SPACA7: variants seen among roughly 807,000 people sequenced by gnomAD.
SPACA7 encodes sperm acrosome-associated protein 7.
Under a neutral mutation model 26.3 loss-of-function variants are expected in SPACA7, and 19 were observed. The observed-to-expected ratio is 0.72, with a 90% CI of 0.50 to 1.06. SPACA7 has a LOEUF of 1.06. Among genes scored for constraint, SPACA7 ranks in the 50% least tolerant of loss-of-function variants. SPACA7 has a pLI of 0.00. For missense variants in SPACA7, 211 were observed against 229.9 expected (o/e 0.92, Z 0.53); for synonymous variants, 84 against 84.5 (o/e 0.99, Z 0.04).
intron 5 of SPACA7, among the ~76,000 whole-genome samples, chr13:112,406,031 C>T (rs548021133): frequency 6.6e-6 from 1 of 152,102 alleles, no homozygotes; most frequent in South Asian, 2.1e-4. Context: ...TTTTAGTTTA[C>T]CATTTAAACT....
chr13:112,376,472 G>A lies in SPACA7; in HGVS notation c.87G>A (p.Val29=). The A allele has an allele frequency of 6.2e-7, 1 of 1,612,924 alleles. No homozygotes were observed. The highest frequency in any genetic ancestry group is 8.5e-7 in the Non-Finnish European group (1 of 1,179,504). The part of the protein sequence containing the change: ...WQETELRPRT[V]IPGSPTEIPF... The stretch of plus-strand genomic sequence containing the variant: ...AAACTGAGCTCCGGCCGAGAACCGT[G>A]ATTCCAGGTAGGGCCCCACAGGGAT... Residue 29 remains valine (V), a synonymous_variant, in exon 1 of 7, where the codon GTG becomes GTA. Coordinates refer to ENST00000283550, the MANE Select transcript of SPACA7 (RefSeq NM_145248.5).
Position 112,432,463 on chromosome 13 carries a change from T to G in SPACA7, c.465T>G (p.Thr155=). ...CCACAGAAAAGAATTCAAAGAACAC[T>G]CAGTATGAAAATCTATCCATTCTGG... The part of the protein sequence containing the change: ...VSSKEKNSKN[T]QYENLSILDQ... The change falls in exon 6 of 7, where the codon ACT becomes ACG. Residue 155 remains threonine (T), a synonymous_variant. Transcript: ENST00000283550. 6.2e-7 allele frequency: 1 copy of G among 1,610,522 alleles called. No homozygotes were observed. The highest frequency in any genetic ancestry group is 8.5e-7 in the Non-Finnish European group (1 of 1,176,714).
chr13:112,377,085 G>A lies in SPACA7; in HGVS notation c.94+606G>A, dbSNP rs573312063. ...GAGAGTGGGCTCAACTCCAAATACA[G>A]GGAAAGTGGAGATTTGCAGCCAAGG... On this transcript the variant is annotated intron_variant, in intron 1 of 6. Coordinates refer to ENST00000283550, the MANE Select transcript of SPACA7 (RefSeq NM_145248.5). Among the ~76,000 whole-genome samples the A allele has an allele frequency of 2.6e-4, 40 of 152,278 alleles. No homozygotes were observed. The South Asian group carries it at 8.3e-3, about 32-fold the overall frequency.
intron 6 of SPACA7, among the ~76,000 whole-genome samples, chr13:112,433,211 G>C: frequency 6.8e-6 from 1 of 146,274 alleles, no homozygotes; most frequent in Non-Finnish European, 1.5e-5. Flanking sequence ...CCTCCATCTG[G>C]AGCGCGTCAC....
chr13:112,387,249 G>C (rs1292244363), intron 1 of SPACA7, among the ~76,000 whole-genome samples: 1 of 152,196 alleles, frequency 6.6e-6, no homozygotes, highest in Non-Finnish European at 1.5e-5. Flanking sequence ...GTGAAACCAA[G>C]GGAAAGTAAC....
At chr13:112,433,815 G>T (rs1877440819) in intron 6 of SPACA7, among the ~76,000 whole-genome samples, 1 of 152,164 alleles carries the variant, frequency 6.6e-6, no homozygotes, top group Admixed American at 6.5e-5. Flanking sequence ...GTGTAGAAAG[G>T]GCAGTGAGCG....
chr13:112,425,417 G>T (rs1028461832), intron 5 of SPACA7, among the ~76,000 whole-genome samples: 1 of 152,232 alleles, frequency 6.6e-6, no homozygotes, highest in African/African-American at 2.4e-5. Context: ...AAATGGGATG[G>T]CTTCCCCTCA....
intron 6 of SPACA7, among the ~76,000 whole-genome samples, chr13:112,433,061 C>G (rs563958420): frequency 5.9e-5 from 9 of 152,236 alleles, no homozygotes; most frequent in African/African-American, 1.7e-4. Context: ...TAGGAGCTTT[C>G]CAGAACACCT....
At chr13:112,419,128 A>G (rs57379387) in intron 5 of SPACA7, among the ~76,000 whole-genome samples, 39,343 of 152,040 alleles carry the variant, frequency 0.26, 5,482 homozygotes, top group South Asian at 0.38. Context: ...ACATTCCAGT[A>G]GCAGGGTAAA....
At chr13:112,423,721 A>G (rs890999651) in intron 5 of SPACA7, among the ~76,000 whole-genome samples, 2 of 152,194 alleles carry the variant, frequency 1.3e-5, no homozygotes, top group South Asian at 4.2e-4. Flanking sequence ...AGTATGTTCT[A>G]AAGGAAGAGA....
intron 4 of SPACA7, among the ~76,000 whole-genome samples, chr13:112,400,211 C>T (rs932857634): frequency 1.3e-5 from 2 of 152,190 alleles, no homozygotes; most frequent in African/African-American, 4.8e-5. Flanking sequence ...CAGGAATCTG[C>T]ATCCCAATCC....
In SPACA7 at chr13:112,432,438, C is replaced by T. The variant is rs1428428843; in HGVS notation, c.446-6C>T. The T allele has an allele frequency of 1.3e-6, 2 of 1,599,684 alleles. No individual in the cohort carries two copies. Among genetic ancestry groups the T allele is most frequent in the Non-Finnish European group, 1.7e-6 (2 of 1,167,096 alleles). On this transcript the variant is annotated splice_polypyrimidine_tract_variant and splice_region_variant and intron_variant, in intron 5 of 6. Transcript: ENST00000283550. ...GTGATCATTGTACTTATTGTTTTCC[C>T]CACAGAAAAGAATTCAAAGAACACT...
At chr13:112,419,559 G>C (rs1225347907) in intron 5 of SPACA7, among the ~76,000 whole-genome samples, 4 of 152,194 alleles carry the variant, frequency 2.6e-5, no homozygotes. Context: ...GACTTCTGGG[G>C]ATAGGAGTAA....
rs7327515 is a variant in SPACA7, at chr13:112,388,378, G to C, written c.95-4643G>C. 8.1e-3 allele frequency among the ~76,000 whole-genome samples: 1,227 copies of C among 152,210 alleles called. 19 individuals carry two copies. The highest frequency in any genetic ancestry group is 0.028 in the African/African-American group (1,157 of 41,510). Reference sequence around the variant, plus strand: ...CTACAGACAGATACCCTACCATGGGGCTACAGACAGACACTCTGATAGGGC... The same window carrying C: ...CTACAGACAGATACCCTACCATGGGCCTACAGACAGACACTCTGATAGGGC... On this transcript the variant is annotated intron_variant, in intron 1 of 6. Transcript: ENST00000283550.
At chr13:112,394,713 T>C (rs1885122276) in intron 2 of SPACA7, among the ~76,000 whole-genome samples, 1 of 152,228 alleles carries the variant, frequency 6.6e-6, no homozygotes, top group Non-Finnish European at 1.5e-5. Context: ...TGGCTGTGAC[T>C]GGACTCACTT....
intron 5 of SPACA7, among the ~76,000 whole-genome samples, chr13:112,430,995 G>T (rs1414952200): frequency 2.6e-5 from 4 of 152,166 alleles, no homozygotes; most frequent in Admixed American, 6.5e-5. Context: ...TCTGGTGTAG[G>T]TTATCCCTGG....
At chr13:112,379,483 A>G (rs2138850274) in intron 1 of SPACA7, among the ~76,000 whole-genome samples, 1 of 152,364 alleles carries the variant, frequency 6.6e-6, no homozygotes, top group African/African-American at 2.4e-5. Context: ...TGTTTCTGTG[A>G]CATACAACAT....
intron 5 of SPACA7, among the ~76,000 whole-genome samples, chr13:112,411,647 T>C (rs762263388): frequency 1.3e-5 from 2 of 152,044 alleles, no homozygotes; most frequent in South Asian, 2.1e-4. Flanking sequence ...TCTACCTCCA[T>C]GAGATCATTT....
chr13:112,408,943 C>G (rs1886167611), intron 5 of SPACA7, among the ~76,000 whole-genome samples: 1 of 152,176 alleles, frequency 6.6e-6, no homozygotes, highest in African/African-American at 2.4e-5. Flanking sequence ...CTGGAGGCAT[C>G]ATGCTACCTG....
Sources: allele counts gnomAD v4.1 joint callset (sites outside exome capture counted in the v4.1 genomes callset), GRCh38; gene constraint gnomAD v4.1.1; transcripts MANE v1.5; gene names NCBI Gene and HGNC (gene_info 2026-07-23, HGNC 2026-07-21).